HYAL1: variants seen among roughly 807,000 people sequenced by gnomAD.
HYAL1 encodes the protein hyaluronidase-1.
In HYAL1, 21 loss-of-function variants were observed where a neutral mutation model predicts 28.8. That is an observed-to-expected ratio of 0.73 (90% CI 0.52 to 1.05). The LOEUF is 1.05. Among genes scored for constraint, HYAL1 ranks in the 50% least tolerant of loss-of-function variants. The probability of loss-of-function intolerance (pLI) is 0.00; values close to 1 mark genes in which losing one functional copy is unlikely to be tolerated. For synonymous variants in HYAL1, 200 were observed against 230.1 expected (o/e 0.87, Z 1.18); for missense variants, 491 against 579.2 (o/e 0.85, Z 1.56).
chr3:50,311,776 C>T (rs1272087758), intron 1 of HYAL1, among the ~76,000 whole-genome samples: 1 of 143,098 alleles, frequency 7.0e-6, no homozygotes, highest in Non-Finnish European at 1.5e-5. Context: ...GGGCTCCTCA[C>T]TTCCCAGTAG....
At position 50,300,972 on chromosome 3, in the gene HYAL1, C is replaced by CT; in HGVS notation, c.990+15_990+16insA. 1.5e-6 allele frequency: 1 copy of CT among 677,030 alleles called. No individual in the cohort carries two copies. Among genetic ancestry groups the CT allele is most frequent in the Non-Finnish European group, 2.5e-6 (1 of 400,228 alleles). The allele number at this position is 677,030 out of a possible 1,614,324, so 41.9% of individuals were successfully genotyped here. A position where few individuals can be genotyped will look rare whatever the true frequency, so the allele number is the denominator to read the frequency against. On this transcript the variant is annotated intron_variant, in intron 3 of 3. Transcript: ENST00000395144. ...CCCCTCCCCCACCCCCACCCTCATG[C>CT]CAGGCCTAAGCTCACCTTGGTTCTT...
At chr3:50,308,547 A>T (rs782617047), upstream of HYAL1, among the ~76,000 whole-genome samples, 37 of 150,496 alleles carry the variant, frequency 2.5e-4, no homozygotes, top group Admixed American at 5.3e-4. Context: ...TCCCAGGTTC[A>T]TGCCATTCTC....
chr3:50,301,163 T>G lies in HYAL1; in HGVS notation c.901-86A>C. ...AACACCATTAGATGGGACAAATAATTCATAACCTTCACCTGGGGCTGCTCT... is the reference window on the plus strand; with the variant it reads ...AACACCATTAGATGGGACAAATAATGCATAACCTTCACCTGGGGCTGCTCT... On this transcript the variant is annotated intron_variant, in intron 2 of 3. Transcript: ENST00000395144. The G allele has an allele frequency of 3.4e-6, 3 of 876,334 alleles. No homozygotes were observed. The South Asian group carries it at 4.6e-5, about 13-fold the overall frequency. 54.3% of individuals were successfully genotyped at this position (876,334 alleles called of 1,614,324 possible). A position where few individuals can be genotyped will look rare whatever the true frequency, so the allele number is the denominator to read the frequency against.
At chr3:50,306,993 T>A (rs1474538263), upstream of HYAL1, among the ~76,000 whole-genome samples, 1 of 150,380 alleles carries the variant, frequency 6.6e-6, no homozygotes, top group Non-Finnish European at 1.5e-5. Context: ...TCACTTAAAC[T>A]TGGAAGGCGG....
rs1553713231 is a variant in HYAL1, at chr3:50,302,479, G to A, written c.478C>T (p.Pro160Ser). 1.9e-6 allele frequency: 3 copies of A among 1,614,144 alleles called. No homozygotes were observed. Among genetic ancestry groups the A allele is most frequent in the Non-Finnish European group, 1.7e-6 (2 of 1,180,004 alleles). ...TCCACCTGAGGAGCTGGCCAATCAG[G>A]GTGCTGTGCCTGTACCAGTGCCCGT... ...RSRALVQAQH[P>S]DWPAPQVEAV... The change falls in exon 2 of 4, where the codon CCT becomes TCT. Residue 160 changes from proline (P) to serine (S), a missense_variant. Coordinates refer to ENST00000395144, the MANE Select transcript of HYAL1 (RefSeq NM_033159.4). This position sits in a 1 kb window ranked among gnomAD's most constrained non-coding sequence, Gnocchi z 5.0.
chr3:50,311,907 C>A (rs1436760427), intron 1 of HYAL1, among the ~76,000 whole-genome samples: 2 of 137,034 alleles, frequency 1.5e-5, no homozygotes, highest in African/African-American at 5.7e-5. Flanking sequence ...GATCCCCCCT[C>A]CCCTCACGGA....
chr3:50,304,646 G>A (rs1553713757), upstream of HYAL1, among the ~76,000 whole-genome samples: 1 of 151,764 alleles, frequency 6.6e-6, no homozygotes, highest in Non-Finnish European at 1.5e-5. Context: ...CCTAGGCCTT[G>A]GGTCTATTGT....
upstream of HYAL1, among the ~76,000 whole-genome samples, chr3:50,308,510 C>T (rs145042586): frequency 0.016 from 2,356 of 145,874 alleles, 201 homozygotes; most frequent in Admixed American, 0.14. Context: ...TGCAGTGGCG[C>T]GATCTCAGCT....
upstream of HYAL1, among the ~76,000 whole-genome samples, chr3:50,305,601 T>C (rs979715530): frequency 6.7e-6 from 1 of 149,460 alleles, no homozygotes; most frequent in Non-Finnish European, 1.5e-5. Flanking sequence ...AATGGCATGA[T>C]CTCGGCTCAC....
In HYAL1 at chr3:50,302,911, G is replaced by T. The variant is rs1355663487; in HGVS notation, c.46C>A (p.Leu16Ile). Residue 16 changes from leucine (L) to isoleucine (I), a missense_variant, in exon 2 of 4, where the codon CTC becomes ATC. Coordinates refer to ENST00000395144, the MANE Select transcript of HYAL1 (RefSeq NM_033159.4). This position sits in a 1 kb window ranked among gnomAD's most constrained non-coding sequence, Gnocchi z 5.0. Reference sequence around the variant, plus strand: ...CCCCTAAAGCCTTGGGCCATATCGAGTAAGGTCAGGAAGAGGGCGCAGATG... The same window carrying T: ...CCCCTAAAGCCTTGGGCCATATCGATTAAGGTCAGGAAGAGGGCGCAGATG... The part of the protein sequence containing the change: ...LPICALFLTL[L>I]DMAQGFRGPL... The T allele has an allele frequency of 1.2e-6, 2 of 1,602,586 alleles. No individual in the cohort carries two copies. Among genetic ancestry groups the T allele is most frequent in the Non-Finnish European group, 8.5e-7 (1 of 1,172,376 alleles).
intron 2 of HYAL1, among the ~76,000 whole-genome samples, chr3:50,309,494 A>G (rs1702405347): frequency 1.3e-5 from 2 of 149,766 alleles, no homozygotes; most frequent in African/African-American, 5.0e-5. Context: ...ATCTGTTTTC[A>G]TTTGTAACAG....
At chr3:50,307,053 G>A (rs1290365427), upstream of HYAL1, among the ~76,000 whole-genome samples, 1 of 149,098 alleles carries the variant, frequency 6.7e-6, no homozygotes, top group African/African-American at 2.5e-5. Context: ...CTGGGTGACA[G>A]AGCAAGACTC....
chr3:50,310,715 G>T (rs1264818440), intron 1 of HYAL1, among the ~76,000 whole-genome samples: 1 of 150,492 alleles, frequency 6.6e-6, no homozygotes, highest in Non-Finnish European at 1.5e-5. Context: ...GTGAACAAAG[G>T]TCTCTGGTTT....
At chr3:50,301,099 T>G in intron 2 of HYAL1, 22 bp from the exon 3 acceptor site, 1 of 1,512,978 alleles carries the variant, frequency 6.6e-7, no homozygotes, top group Non-Finnish European at 9.2e-7. Context: ...ACAGCACAGC[T>G]CTGTGGGGCC....
chr3:50,308,642 T>C (rs1291272976), intron 2 of HYAL1, among the ~76,000 whole-genome samples: 1 of 149,570 alleles, frequency 6.7e-6, no homozygotes, highest in Non-Finnish European at 1.5e-5. Context: ...AGAGACAGGG[T>C]TTCACCGTGG....
chr3:50,307,963 T>A (rs1553714227), upstream of HYAL1, among the ~76,000 whole-genome samples: 2 of 150,108 alleles, frequency 1.3e-5, no homozygotes, highest in South Asian at 2.1e-4. Flanking sequence ...CCTGGCTAAT[T>A]TTTTTGTGTT....
At position 50,300,424 on chromosome 3, in the gene HYAL1, C is replaced by T; in HGVS notation, c.*59G>A. The T allele has an allele frequency of 6.4e-6, 10 of 1,557,422 alleles. No individual in the cohort carries two copies. The highest frequency in any genetic ancestry group is 8.9e-6 in the Non-Finnish European group (10 of 1,129,234). ...ATGACTGTGCATGTATTTGAGGAAG[C>T]CCTGGCCAGACCCAGAGTGCATTAG... On this transcript the variant is annotated 3_prime_UTR_variant, in exon 4 of 4. Coordinates refer to ENST00000395144, the MANE Select transcript of HYAL1 (RefSeq NM_033159.4).
At position 50,302,635 on chromosome 3, in the gene HYAL1, G is replaced by A. The variant is rs587769317; in HGVS notation, c.322C>T (p.Arg108Cys). Residue 108 changes from arginine to cysteine, a missense_variant, in exon 2 of 4, where the codon CGC (arginine) becomes TGC (cysteine). Arg to Cys is a radical substitution (Grantham distance 180, BLOSUM62 -3). Transcript: ENST00000395144. This position sits in a 1 kb window ranked among gnomAD's most constrained non-coding sequence, Gnocchi z 5.0. ...GCAGCCAGGATGTCCTGGAATGTGC[G>A]GGCCAGGTGGGCAATCAGGCTGGCA... is the stretch of plus-strand genomic sequence containing the variant. Reference protein sequence around the residue: ...QNASLIAHLARTFQDILAAIP... With the variant: ...QNASLIAHLACTFQDILAAIP... 142 of 1,614,184 alleles carry A rather than the reference G, an allele frequency of 8.8e-5. 2 individuals carry two copies. The Admixed American group carries it at 1.4e-3, about 16-fold the overall frequency.
At position 50,302,551 on chromosome 3, in the gene HYAL1, G is replaced by A. The variant is rs144099069; in HGVS notation, c.406C>T (p.Arg136Cys). ...AVIDWEAWRP[R>C]WAFNWDTKDI... ...TTGGTGTCCCAGTTGAAGGCCCAGC[G>A]TGGGCGCCATGCCTCCCAGTCGATG... The change falls in exon 2 of 4, where the codon CGC (arginine) becomes TGC (cysteine). Residue 136 changes from arginine (R) to cysteine (C), a missense_variant. Transcript: ENST00000395144. The surrounding 1 kb of genome is among the most constrained non-coding windows in gnomAD (Gnocchi z 5.0). The A allele has an allele frequency of 2.7e-5, 43 of 1,614,180 alleles. No homozygotes were observed. The highest frequency in any genetic ancestry group is 8.0e-5 in the African/African-American group (6 of 75,058).
Sources: gnomAD v4.1 joint callset for allele counts (sites outside exome capture counted in the v4.1 genomes callset) on GRCh38, gnomAD v4.1.1 for gene constraint, Gnocchi (gnomAD v3.1) non-coding constraint, MANE v1.5 for transcripts, NCBI Gene and HGNC (gene_info 2026-07-23, HGNC 2026-07-21) for gene names.